The following MYO1E variants were observed in gnomAD, a reference collection of about 807,000 sequenced individuals.
The protein encoded by MYO1E is myosin IE.
Under a neutral mutation model 151.1 loss-of-function variants are expected in MYO1E, and 68 were observed. The ratio of observed to expected loss-of-function variants is 0.45; its 90% CI spans 0.37 to 0.55. The LOEUF (loss-of-function observed/expected upper bound fraction) is 0.55. MYO1E is among the 20% of genes least tolerant of loss of function. MYO1E has a pLI of 0.00. For missense variants in MYO1E, 1,363 were observed against 1,389.3 expected, an observed-to-expected ratio of 0.98 and a Z score of 0.30; for synonymous variants, 601 against 501.7, an observed-to-expected ratio of 1.20 and a Z score of -2.64.
At chr15:59,235,542 T>C (rs1285231006) in intron 5 of MYO1E, among the ~76,000 whole-genome samples, 1 of 152,224 alleles carries the variant, frequency 6.6e-6, no homozygotes, top group African/African-American at 2.4e-5. Context: ...AATATTCTAT[T>C]ATATAAAGAA....
intron 26 of MYO1E, among the ~76,000 whole-genome samples, chr15:59,140,330 C>G (rs1460311895): frequency 6.6e-6 from 1 of 152,174 alleles, no homozygotes; most frequent in African/African-American, 2.4e-5. Flanking sequence ...TTAGTGAGAT[C>G]TTTACACTTA....
intron 1 of MYO1E, among the ~76,000 whole-genome samples, chr15:59,308,452 A>C (rs1303881684): frequency 4.0e-5 from 6 of 151,882 alleles, no homozygotes; most frequent in Non-Finnish European, 8.8e-5. Flanking sequence ...CGGGTGGATC[A>C]CCTGAGGTCA....
intron 18 of MYO1E, among the ~76,000 whole-genome samples, chr15:59,186,965 G>A (rs1381830905): frequency 6.6e-6 from 1 of 152,082 alleles, no homozygotes; most frequent in Non-Finnish European, 1.5e-5. Context: ...CATGTTAAGG[G>A]ATATATAAAA....
At chr15:59,332,481 G>A (rs1221771792) in intron 1 of MYO1E, among the ~76,000 whole-genome samples, 5 of 152,150 alleles carry the variant, frequency 3.3e-5, no homozygotes, top group Non-Finnish European at 5.9e-5. Context: ...TGACACTAGG[G>A]AGGCCACGTC....
intron 1 of MYO1E, among the ~76,000 whole-genome samples, chr15:59,309,732 T>C: frequency 6.6e-6 from 1 of 152,228 alleles, no homozygotes; most frequent in East Asian, 1.9e-4. Context: ...TTCACATGCA[T>C]TTCTAAGGTT....
At chr15:59,317,853 C>T (rs1288737057) in intron 1 of MYO1E, among the ~76,000 whole-genome samples, 1 of 151,980 alleles carries the variant, frequency 6.6e-6, no homozygotes, top group Non-Finnish European at 1.5e-5. Flanking sequence ...TGGGCTAATT[C>T]AATATTTACA....
At chr15:59,310,658 C>A (rs866537794) in intron 1 of MYO1E, among the ~76,000 whole-genome samples, 1 of 152,072 alleles carries the variant, frequency 6.6e-6, no homozygotes. Context: ...TGTGAGAACA[C>A]ATTTCTGTTG....
At position 59,205,441 on chromosome 15, in the gene MYO1E, C is replaced by T; in HGVS notation, c.1575G>A (p.Val525=). The T allele has an allele frequency of 6.2e-7, 1 of 1,614,172 alleles. No homozygotes were observed. The highest frequency in any genetic ancestry group is 8.5e-7 in the Non-Finnish European group (1 of 1,180,036). The change falls in exon 15 of 28, where the codon GTG becomes GTA. Residue 525 remains valine (V), a synonymous_variant. Transcript: ENST00000288235. ...MDGFCERNRD[V]LFMDLIELMQ... Reference sequence around the variant, plus strand: ...TAAGCTCGATGAGATCCATAAAAAGCACATCCCGGTTCCTTTCACAAAAGC... The same window carrying T: ...TAAGCTCGATGAGATCCATAAAAAGTACATCCCGGTTCCTTTCACAAAAGC...
chr15:59,211,017 T>C (rs1327885096), intron 12 of MYO1E, among the ~76,000 whole-genome samples: 8 of 151,938 alleles, frequency 5.3e-5, no homozygotes, highest in African/African-American at 1.7e-4. Flanking sequence ...GTGACCAACA[T>C]GGTGAAACCC....
intron 1 of MYO1E, among the ~76,000 whole-genome samples, chr15:59,275,234 CTG>C (rs1197472619): frequency 6.6e-6 from 1 of 152,218 alleles, no homozygotes; most frequent in Non-Finnish European, 1.5e-5. Context: ...GAATGACAGA[CTG>C]TCTCCAAAAC....
chr15:59,140,350 CATTT>C (rs1186216848), intron 26 of MYO1E, among the ~76,000 whole-genome samples: 2 of 152,190 alleles, frequency 1.3e-5, no homozygotes, highest in Non-Finnish European at 2.9e-5. Context: ...ATACCTGAAA[CATTT>C]ATTAAATATG....
intron 24 of MYO1E, 61 bp from the exon 25 acceptor site, chr15:59,158,440 G>T: frequency 7.5e-7 from 1 of 1,338,550 alleles, no homozygotes; most frequent in Non-Finnish European, 1.0e-6. Context: ...GATCCTCATG[G>T]TTCTTTGCAT....
chr15:59,206,889 C>A, intron 14 of MYO1E: 1 of 1,553,336 alleles, frequency 6.4e-7, no homozygotes. Flanking sequence ...TCTCAACGTT[C>A]GGATCAGCAG....
intron 6 of MYO1E, 53 bp from the exon 7 acceptor site, chr15:59,227,643 C>T: frequency 1.9e-6 from 3 of 1,600,294 alleles, no homozygotes; most frequent in Non-Finnish European, 2.6e-6. Context: ...AACATGATGT[C>T]CCAAACAGGC....
chr15:59,315,330 T>A (rs1173948182), intron 1 of MYO1E, among the ~76,000 whole-genome samples: 3 of 152,096 alleles, frequency 2.0e-5, no homozygotes, highest in African/African-American at 7.2e-5. Flanking sequence ...CTGATTGCCA[T>A]CCCCATCCAC....
chr15:59,272,429 C>G lies in MYO1E; in HGVS notation c.24G>C (p.Gln8His), dbSNP rs1363623509. Residue 8 changes from glutamine to histidine, a missense_variant, in exon 2 of 28, where the codon CAG becomes CAC. Gln to His is a conservative substitution (Grantham distance 24, BLOSUM62 0). Coordinates refer to ENST00000288235, the MANE Select transcript of MYO1E (RefSeq NM_004998.4). MGSKGVY[Q>H]YHWQSHNVKH... ...TGACATTGTGGCTTTGCCAGTGGTA[C>G]TGGTAGACACCTTTGCTTCCCTGGG... The G allele has an allele frequency of 3.7e-6, 6 of 1,614,080 alleles. No individual in the cohort carries two copies. The highest frequency in any genetic ancestry group is 1.3e-5 in the African/African-American group (1 of 74,930).
At chr15:59,322,939 A>G (rs1194427034) in intron 1 of MYO1E, among the ~76,000 whole-genome samples, 1 of 151,116 alleles carries the variant, frequency 6.6e-6, no homozygotes, top group Non-Finnish European at 1.5e-5. Flanking sequence ...AGGTGGGCGG[A>G]TCACGAGGTC....
At chr15:59,165,795 A>T (rs2079560088) in intron 22 of MYO1E, among the ~76,000 whole-genome samples, 1 of 152,244 alleles carries the variant, frequency 6.6e-6, no homozygotes, top group African/African-American at 2.4e-5. Flanking sequence ...ACCCGGCTGC[A>T]TTAGGTAGAG....
chr15:59,160,842 G>T (rs1165343529), intron 24 of MYO1E, among the ~76,000 whole-genome samples: 1 of 152,070 alleles, frequency 6.6e-6, no homozygotes, highest in East Asian at 1.9e-4. Flanking sequence ...ATATTGTAAT[G>T]CCAGGTGTAC....
Sources: allele counts gnomAD v4.1 joint callset (sites outside exome capture counted in the v4.1 genomes callset), GRCh38; gene constraint gnomAD v4.1.1; transcripts MANE v1.5; gene names NCBI Gene and HGNC (gene_info 2026-07-23, HGNC 2026-07-21).